CATSPERE: variants seen among roughly 807,000 people sequenced by gnomAD.
The protein encoded by CATSPERE is cation channel sperm-associated auxiliary subunit epsilon.
CATSPERE carries 93 observed loss-of-function variants against 114.1 expected under a neutral mutation model. The observed-to-expected ratio is 0.81, with a 90% confidence interval of 0.69 to 0.97. CATSPERE has a LOEUF of 0.97. Ranked by LOEUF, CATSPERE falls within the 50% of genes least tolerant of loss-of-function variation. CATSPERE has a pLI of 0.00. For synonymous variants in CATSPERE, 341 were observed against 384.1 expected (o/e 0.89, Z 1.31); for missense variants, 1,058 against 1,131.6 (o/e 0.93, Z 0.93).
chr1:244,557,694 G>C (rs1320309724), intron 9 of CATSPERE, among the ~76,000 whole-genome samples: 3 of 148,804 alleles, frequency 2.0e-5, no homozygotes. Flanking sequence ...TGAGTTTCTT[G>C]GATTTCTGGG....
intron 8 of CATSPERE, among the ~76,000 whole-genome samples, chr1:244,547,624 A>G (rs1366322243): frequency 2.6e-5 from 4 of 152,352 alleles, no homozygotes; most frequent in Non-Finnish European, 4.4e-5. Flanking sequence ...ATAACCTATT[A>G]TAACTATAAG....
Position 244,526,485 on chromosome 1 carries a change from G to T in CATSPERE, c.536+7787G>T, listed in dbSNP as rs933165092. Among the ~76,000 whole-genome samples, 6 of 151,818 alleles carry T rather than the reference G, an allele frequency of 4.0e-5. No individual in the cohort carries two copies. The East Asian group carries it at 1.2e-3, about 29-fold the overall frequency. The stretch of plus-strand genomic sequence containing the variant: ...TCTCATTGGCCACAGTGGGTTATAT[G>T]GCCAATTCTAGCTACAAGAGAGACT... On this transcript the variant is annotated intron_variant, in intron 8 of 21. Coordinates refer to ENST00000366534, the MANE Select transcript of CATSPERE (RefSeq NM_001130957.2).
Position 244,572,758 on chromosome 1 carries a change from T to G in CATSPERE, c.1936T>G (p.Cys646Gly). 1.3e-6 allele frequency: 2 copies of G among 1,587,042 alleles called. No individual in the cohort carries two copies. Among genetic ancestry groups the G allele is most frequent in the South Asian group, 1.2e-5 (1 of 85,962 alleles). The change falls in exon 11 of 22, where the codon TGC becomes GGC. Residue 646 changes from cysteine (C) to glycine (G), a missense_variant. Around this residue, in one of 2 missense-constraint regions of CATSPERE, gnomAD observed 787 missense variants for 905.6 expected, o/e 0.87. Transcript: ENST00000366534. ...EISFEAAFGY[C>G]TKTLTLTFYQ... ...TTCCTTTGAAGCTGCCTTTGGATAC[T>G]GCACCAAAACTCTGGTAAGCTAATA...
At chr1:244,582,706 A>C in intron 12 of CATSPERE, among the ~76,000 whole-genome samples, 1 of 152,080 alleles carries the variant, frequency 6.6e-6, no homozygotes, top group East Asian at 1.9e-4. Context: ...CCGCAGGAAG[A>C]ATCCATTTTT....
In CATSPERE at chr1:244,605,908, G is replaced by GA. The variant is rs897240358; in HGVS notation, c.2403+121dup. On this transcript the variant is annotated intron_variant, in intron 18 of 21. Transcript: ENST00000366534. ...AATAGAATAAGGCAGCAGTGGGTAGGAAAAAAATCACCTCTAGATTAAATT... is the reference window on the plus strand; with the variant it reads ...AATAGAATAAGGCAGCAGTGGGTAGGAAAAAAAATCACCTCTAGATTAAATT... 2.1e-5 allele frequency: 12 copies of GA among 579,102 alleles called. 1 individual carries two copies. The highest frequency in any genetic ancestry group is 6.4e-4 in the Middle Eastern group (2 of 3,116). 35.9% of individuals were successfully genotyped at this position (579,102 alleles called of 1,614,324 possible).
At chr1:244,487,303 G>T (rs562964191) in intron 5 of CATSPERE, among the ~76,000 whole-genome samples, 2 of 152,098 alleles carry the variant, frequency 1.3e-5, no homozygotes, top group Non-Finnish European at 1.5e-5. Flanking sequence ...CTGGTGGGTG[G>T]TTCAACATGT....
intron 2 of CATSPERE, among the ~76,000 whole-genome samples, chr1:244,471,994 C>G (rs1380645734): frequency 6.6e-6 from 1 of 152,172 alleles, no homozygotes; most frequent in Non-Finnish European, 1.5e-5. Context: ...GACTCTAACT[C>G]TGTTGCCTAG....
At position 244,504,300 on chromosome 1, in the gene CATSPERE, A is replaced by G. The variant is rs117462683; in HGVS notation, c.429+5221A>G. On this transcript the variant is annotated intron_variant, in intron 7 of 21. Transcript: ENST00000366534. The surrounding 1 kb of genome is among the most constrained non-coding windows in gnomAD (Gnocchi z 4.1). The stretch of plus-strand genomic sequence containing the variant: ...CCTTGCATTCATTCACTTTTCAAAA[A>G]CACTTTTTCTTTTAGAACAGTTTTA... Among the ~76,000 whole-genome samples the G allele has an allele frequency of 1.1e-3, 172 of 152,332 alleles. 2 individuals are homozygous for G. In the East Asian group the frequency reaches 0.032, roughly 29 times the overall value.
At chr1:244,536,217 C>T (rs1558450698) in intron 8 of CATSPERE, among the ~76,000 whole-genome samples, 1 of 151,832 alleles carries the variant, frequency 6.6e-6, no homozygotes, top group Non-Finnish European at 1.5e-5. Context: ...GCTGTGCTGC[C>T]TAGTGTTGGG....
At chr1:244,589,126 T>C (rs1176029152) in intron 14 of CATSPERE, among the ~76,000 whole-genome samples, 2 of 152,150 alleles carry the variant, frequency 1.3e-5, no homozygotes, top group African/African-American at 4.8e-5. Context: ...TTCTTCTACA[T>C]GGGAGAAAAT....
chr1:244,584,727 C>T (rs1452865250), intron 13 of CATSPERE, among the ~76,000 whole-genome samples: 1 of 152,116 alleles, frequency 6.6e-6, no homozygotes, highest in Non-Finnish European at 1.5e-5. Context: ...TAGGACCTGG[C>T]CCCTCCCATT....
intron 18 of CATSPERE, among the ~76,000 whole-genome samples, chr1:244,608,110 A>T (rs554168463): frequency 7.9e-5 from 12 of 152,232 alleles, no homozygotes; most frequent in Admixed American, 5.2e-4. Flanking sequence ...CCGTCTAAAA[A>T]AATAATAATA....
At chr1:244,545,876 C>G (rs1659671383) in intron 8 of CATSPERE, among the ~76,000 whole-genome samples, 2 of 152,194 alleles carry the variant, frequency 1.3e-5, no homozygotes, top group African/African-American at 4.8e-5. Context: ...TACTGCTACA[C>G]TGTCTTCTTT....
At chr1:244,605,326 C>T (rs1431762856) in intron 17 of CATSPERE, among the ~76,000 whole-genome samples, 1 of 152,202 alleles carries the variant, frequency 6.6e-6, no homozygotes, top group Non-Finnish European at 1.5e-5. Flanking sequence ...GACAGCAGTA[C>T]CTAAGCTACC....
intron 8 of CATSPERE, among the ~76,000 whole-genome samples, chr1:244,534,468 T>C (rs1680073682): frequency 6.6e-6 from 1 of 152,158 alleles, no homozygotes; most frequent in Admixed American, 6.5e-5. Context: ...CTTTTTTCTA[T>C]TGTCTTCTCT....
chr1:244,617,399 A>C, intron 19 of CATSPERE, 130 bp from the exon 20 acceptor site: 33 of 610,470 alleles, frequency 5.4e-5, no homozygotes, highest in Non-Finnish European at 7.5e-5. Context: ...TATAAAGAGC[A>C]CTGCAGGGGT....
intron 2 of CATSPERE, among the ~76,000 whole-genome samples, chr1:244,467,518 A>G (rs749667076): frequency 3.1e-4 from 47 of 152,314 alleles, no homozygotes; most frequent in Middle Eastern, 3.4e-3. Flanking sequence ...ACTAGAAGGA[A>G]TGCAGGTTGG....
At chr1:244,500,664 G>A (rs1199646204) in intron 7 of CATSPERE, among the ~76,000 whole-genome samples, 1 of 152,058 alleles carries the variant, frequency 6.6e-6, no homozygotes, top group East Asian at 1.9e-4. Context: ...TAAATGTGTG[G>A]CGTTATTTCT....
chr1:244,514,486 A>C (rs1676260540), intron 7 of CATSPERE, among the ~76,000 whole-genome samples: 1 of 152,158 alleles, frequency 6.6e-6, no homozygotes, highest in African/African-American at 2.4e-5. Flanking sequence ...TAATTACGTG[A>C]ATCTACGCAT....
Sources: allele counts gnomAD v4.1 joint callset (sites outside exome capture counted in the v4.1 genomes callset), GRCh38; gene constraint gnomAD v4.1.1; regional missense constraint gnomAD v4.1.1; non-coding constraint Gnocchi (gnomAD v3.1); transcripts MANE v1.5; gene names NCBI Gene and HGNC (gene_info 2026-07-23, HGNC 2026-07-21).